Variants in SMARCA4 observed in about 807,000 individuals in gnomAD.
The protein encoded by SMARCA4 is SWI/SNF-related matrix-associated actin-dependent regulator of chromatin subfamily A member 4.
A neutral mutation model predicts 193.9 loss-of-function variants in SMARCA4; 31 were observed. The observed-to-expected ratio is 0.16, with a 90% CI of 0.12 to 0.22. The LOEUF (loss-of-function observed/expected upper bound fraction) is 0.22. Among genes scored for constraint, SMARCA4 ranks in the 10% least tolerant of loss-of-function variants. The pLI is 1.00. For synonymous variants in SMARCA4, 942 were observed against 933.1 expected (o/e 1.01, Z -0.17); for missense variants, 1,148 against 2,296.0 (o/e 0.50, Z 10.22).
At chr19:11,055,467 C>T (rs1427335012) in intron 30 of SMARCA4, among the ~76,000 whole-genome samples, 12 of 151,984 alleles carry the variant, frequency 7.9e-5, no homozygotes, top group Non-Finnish European at 1.6e-4. Flanking sequence ...GGGTTACAGG[C>T]GTGAGCCACT....
chr19:11,048,071 G>C (rs984535374), intron 30 of SMARCA4, among the ~76,000 whole-genome samples: 4 of 152,194 alleles, frequency 2.6e-5, no homozygotes, highest in Non-Finnish European at 5.9e-5. Flanking sequence ...TGGTGCTCAT[G>C]TCACTCGGCC....
rs150629649 is a variant in SMARCA4 at position 11,002,534 on chromosome 19, C to T, written c.1813-495C>T. Among the ~76,000 whole-genome samples the T allele has an allele frequency of 5.0e-3, 757 of 151,504 alleles. 5 individuals are homozygous for T. Among genetic ancestry groups the T allele is most frequent in the African/African-American group, 0.017 (684 of 41,324 alleles). On this transcript the variant is annotated intron_variant, in intron 11 of 34. Transcript: ENST00000344626. ...AAAATGGGCCGAGCATAGTGGCTCA[C>T]GCCTGGAATCCCAGCACTTTGGGAG...
intron 6 of SMARCA4, among the ~76,000 whole-genome samples, chr19:10,988,680 C>G (rs952078948): frequency 2.6e-5 from 4 of 152,176 alleles, no homozygotes; most frequent in African/African-American, 9.7e-5. Flanking sequence ...CCTGTCACTT[C>G]CAGCCACTCT....
intron 30 of SMARCA4, among the ~76,000 whole-genome samples, chr19:11,049,160 G>A (rs748174272): frequency 6.6e-6 from 1 of 152,182 alleles, no homozygotes; most frequent in Admixed American, 6.5e-5. Context: ...AGGGACAAGT[G>A]TCCCAGGCAG....
At chr19:10,977,851 G>A (rs1223058827) in intron 1 of SMARCA4, 1 of 152,518 alleles carries the variant, frequency 6.6e-6, no homozygotes, top group South Asian at 2.1e-4. Context: ...CTGTGGAGGA[G>A]GAGGTGGAGC....
At chr19:10,992,703 C>T (rs1329034600) in intron 8 of SMARCA4, among the ~76,000 whole-genome samples, 3 of 151,868 alleles carry the variant, frequency 2.0e-5, no homozygotes, top group Non-Finnish European at 4.4e-5. Flanking sequence ...ATTTTCCTGC[C>T]TCAGCCTCCC....
chr19:11,047,008 A>G (rs866103852), intron 30 of SMARCA4, among the ~76,000 whole-genome samples: 89 of 152,036 alleles, frequency 5.9e-4, no homozygotes, highest in South Asian at 2.9e-3. Flanking sequence ...AATTTCAAAC[A>G]TGATGTTTGG....
chr19:11,045,744 T>A (rs1299052990), intron 30 of SMARCA4, among the ~76,000 whole-genome samples: 1 of 152,104 alleles, frequency 6.6e-6, no homozygotes, highest in Non-Finnish European at 1.5e-5. Context: ...GCTGCTACAG[T>A]CAGTCTTGTA....
rs2085792615 is a variant in SMARCA4, at chr19:10,984,065, C to T, written c.-31-56C>T. 7.1e-7 allele frequency: 1 copy of T among 1,399,404 alleles called. No homozygotes were observed. Among genetic ancestry groups the T allele is most frequent in the African/African-American group, 1.4e-5 (1 of 70,792 alleles). 86.7% of individuals were successfully genotyped at this position (1,399,404 alleles called of 1,614,324 possible). On this transcript the variant is annotated intron_variant, in intron 1 of 34. Transcript: ENST00000344626. The surrounding 1 kb of genome is among the most constrained non-coding windows in gnomAD (Gnocchi z 4.3). ...GACCGTATGATTGTCCCTTGCTATC[C>T]CTGTCCTGCCTCGCCCTTGGTCATG...
chr19:10,971,955 A>ATTT (rs539620346), intron 1 of SMARCA4, among the ~76,000 whole-genome samples: 23 of 125,188 alleles, frequency 1.8e-4, no homozygotes, highest in South Asian at 7.7e-4. Flanking sequence ...CGCTTGGCTA[A>ATTT]TTTTTTTTTT....
intron 34 of SMARCA4, 73 bp downstream of exon 34, chr19:11,060,260 C>T (rs2147130577): frequency 6.5e-7 from 1 of 1,526,982 alleles, no homozygotes; most frequent in Non-Finnish European, 8.9e-7. Flanking sequence ...TGGGACAGCC[C>T]TGTGGGGCGG....
intron 30 of SMARCA4, among the ~76,000 whole-genome samples, chr19:11,042,988 A>G (rs935371579): frequency 3.3e-5 from 5 of 151,922 alleles, no homozygotes; most frequent in African/African-American, 1.2e-4. Context: ...AAAACAAAAT[A>G]CTGCTTAAAA....
In SMARCA4 at chr19:11,030,916, G is replaced by C. The variant is rs2074883126; in HGVS notation, c.3546+23G>C. ...CAGGTAAAAGCGGGCCGGGCCCCAG[G>C]TCGAGGAGAAGGAAGGGGGTGCCTG... On this transcript the variant is annotated intron_variant, in intron 25 of 34. Coordinates refer to ENST00000344626, the MANE Select transcript of SMARCA4 (RefSeq NM_003072.5). This position sits in a 1 kb window ranked among gnomAD's most constrained non-coding sequence, Gnocchi z 5.5. 6.2e-7 allele frequency: 1 copy of C among 1,605,408 alleles called. No individual in the cohort carries two copies. Among genetic ancestry groups the C allele is most frequent in the Non-Finnish European group, 8.5e-7 (1 of 1,176,414 alleles).
intron 1 of SMARCA4, among the ~76,000 whole-genome samples, chr19:10,962,309 G>C (rs1486862247): frequency 1.3e-5 from 2 of 152,092 alleles, no homozygotes; most frequent in African/African-American, 4.8e-5. Flanking sequence ...TTGTTCAGCA[G>C]ATAACTTCTT....
chr19:11,027,105 C>T (rs566121231), intron 23 of SMARCA4, among the ~76,000 whole-genome samples: 1 of 152,338 alleles, frequency 6.6e-6, no homozygotes, highest in African/African-American at 2.4e-5. Context: ...AGCATTCTTC[C>T]AGCTAAAGCC....
intron 29 of SMARCA4, among the ~76,000 whole-genome samples, chr19:11,036,561 G>T (rs1353244928): frequency 2.0e-5 from 3 of 152,180 alleles, no homozygotes; most frequent in African/African-American, 7.2e-5. Flanking sequence ...GCCCAGCTCA[G>T]CCCTGCATAT....
intron 30 of SMARCA4, among the ~76,000 whole-genome samples, chr19:11,052,811 G>A (rs1425657758): frequency 6.6e-6 from 1 of 152,204 alleles, no homozygotes; most frequent in Non-Finnish European, 1.5e-5. Context: ...CGGCGTAGGG[G>A]AGCTGGGGCT....
intron 19 of SMARCA4, among the ~76,000 whole-genome samples, chr19:11,022,404 AC>A (rs1376922407): frequency 2.0e-5 from 3 of 151,986 alleles, no homozygotes; most frequent in Non-Finnish European, 4.4e-5. Flanking sequence ...GTTCTGTCTT[AC>A]GTTGTTTTCA....
At chr19:11,061,207 ATATATATATATATAT>A (rs2076871027) in intron 34 of SMARCA4, among the ~76,000 whole-genome samples, 1 of 37,908 alleles carries the variant, frequency 2.6e-5, no homozygotes, top group South Asian at 8.3e-4. Context: ...AAAAAAAAAT[ATATATATATATATAT>A]ATATATATAT....
Sources: gnomAD v4.1 joint callset for allele counts (sites outside exome capture counted in the v4.1 genomes callset) on GRCh38, gnomAD v4.1.1 for gene constraint, Gnocchi (gnomAD v3.1) non-coding constraint, MANE v1.5 for transcripts, NCBI Gene and HGNC (gene_info 2026-07-23, HGNC 2026-07-21) for gene names.